Variants in SCAF8 observed in about 807,000 individuals in gnomAD.
SCAF8 encodes SR-related CTD associated factor 8, also known as SR-related and CTD-associated factor 8.
Under a neutral mutation model 140.5 loss-of-function variants are expected in SCAF8, and 23 were observed. The observed-to-expected ratio is 0.16, with a 90% CI of 0.12 to 0.23. SCAF8 has a LOEUF of 0.23. SCAF8 is among the 10% of genes least tolerant of loss of function. The pLI, the probability that SCAF8 is intolerant of heterozygous loss-of-function variation, is 1.00. For synonymous variants in SCAF8, 575 were observed against 528.9 expected (o/e 1.09, Z -1.20); for missense variants, 1,397 against 1,555.7 (o/e 0.90, Z 1.72).
chr6:154,790,811 CTT>C (rs904982373), intron 4 of SCAF8, among the ~76,000 whole-genome samples: 2 of 151,864 alleles, frequency 1.3e-5, no homozygotes, highest in Admixed American at 1.3e-4. Context: ...CACCTGGCCT[CTT>C]TTTTCGTACT....
In SCAF8 at chr6:154,733,619, C is replaced by T; in HGVS notation, c.-282C>T. ...GCAGAGAAGAGAAGGCGCCGCGGCCCAGCCCCTCCCCCGCCCGCCGCCGAC... is the reference window on the plus strand; with the variant it reads ...GCAGAGAAGAGAAGGCGCCGCGGCCTAGCCCCTCCCCCGCCCGCCGCCGAC... On this transcript the variant is annotated 5_prime_UTR_variant, in exon 1 of 20. Coordinates refer to ENST00000367178, the MANE Select transcript of SCAF8 (RefSeq NM_014892.5). The T allele has an allele frequency of 1.5e-6, 2 of 1,295,506 alleles. No individual in the cohort carries two copies. The highest frequency in any genetic ancestry group is 1.9e-6 in the Non-Finnish European group (2 of 1,025,946). 80.3% of individuals were successfully genotyped at this position (1,295,506 alleles called of 1,614,324 possible).
At chr6:154,745,156 CCTCTT>C (rs1173693778) in intron 1 of SCAF8, among the ~76,000 whole-genome samples, 5 of 152,142 alleles carry the variant, frequency 3.3e-5, no homozygotes, top group Non-Finnish European at 5.9e-5. Flanking sequence ...ATTGGTTACT[CCTCTT>C]CTCTTGTATG....
chr6:154,769,092 T>C (rs1354339141), intron 1 of SCAF8, among the ~76,000 whole-genome samples: 1 of 145,868 alleles, frequency 6.9e-6, no homozygotes, highest in Non-Finnish European at 1.5e-5. Context: ...AAAAATCACA[T>C]ATAAGTAGAC....
At chr6:154,787,759 A>G (rs1056126661) in intron 3 of SCAF8, 102 bp from the exon 4 acceptor site, 2 of 871,046 alleles carry the variant, frequency 2.3e-6, no homozygotes, top group Non-Finnish European at 3.6e-6. Flanking sequence ...ACCATAGCAT[A>G]GGCAATGTCT....
At chr6:154,800,988 C>T (rs541265341) in intron 6 of SCAF8, among the ~76,000 whole-genome samples, 4 of 151,356 alleles carry the variant, frequency 2.6e-5, no homozygotes, top group South Asian at 2.1e-4. Context: ...TGATAGACTG[C>T]GAAGTCAGAG....
chr6:154,778,378 A>C lies in SCAF8; in HGVS notation c.159+333A>C, dbSNP rs72993433. On this transcript the variant is annotated intron_variant, in intron 3 of 19. Transcript: ENST00000367178. The stretch of plus-strand genomic sequence containing the variant: ...TTTGAAGTGAGATTTCAGTCATTCA[A>C]CTGGCTAGGTAACTTTGAATAAGTT... 2.6e-5 allele frequency among the ~76,000 whole-genome samples: 4 copies of C among 152,196 alleles called. No homozygotes were observed. The South Asian group carries it at 8.3e-4, about 32-fold the overall frequency.
At chr6:154,828,340 A>C (rs995822810) in intron 18 of SCAF8, among the ~76,000 whole-genome samples, 2 of 151,918 alleles carry the variant, frequency 1.3e-5, no homozygotes, top group Admixed American at 1.3e-4. Context: ...TTTTTTCTTT[A>C]ATTGCCATTT....
intron 1 of SCAF8, among the ~76,000 whole-genome samples, chr6:154,761,199 T>C (rs895848396): frequency 4.6e-5 from 7 of 152,190 alleles, no homozygotes; most frequent in Non-Finnish European, 1.5e-5. Flanking sequence ...TGCAGTTACA[T>C]GTGGTATGTT....
At chr6:154,770,483 A>T (rs1045559772) in intron 1 of SCAF8, among the ~76,000 whole-genome samples, 3 of 151,038 alleles carry the variant, frequency 2.0e-5, no homozygotes, top group African/African-American at 7.3e-5. Context: ...AGGTAGGAGG[A>T]CCCGTTGAGC....
intron 1 of SCAF8, among the ~76,000 whole-genome samples, chr6:154,749,268 ACAAT>A (rs1196241277): frequency 1.3e-5 from 2 of 152,172 alleles, no homozygotes; most frequent in Non-Finnish European, 2.9e-5. Flanking sequence ...CTAGTCCTAC[ACAAT>A]TGTCCTTTTT....
chr6:154,792,695 G>A (rs761796509), intron 4 of SCAF8, 128 bp from the exon 5 acceptor site: 82 of 578,030 alleles, frequency 1.4e-4, no homozygotes, highest in Non-Finnish European at 2.0e-4. Context: ...AGAATTTTAG[G>A]GCTAGAAAGT....
chr6:154,827,659 C>G (rs1043756212), intron 18 of SCAF8, among the ~76,000 whole-genome samples: 5 of 152,094 alleles, frequency 3.3e-5, no homozygotes, highest in African/African-American at 1.2e-4. Context: ...AAATTACTGT[C>G]TTTGCATTTC....
At chr6:154,768,473 A>G (rs896409429) in intron 1 of SCAF8, among the ~76,000 whole-genome samples, 1 of 152,224 alleles carries the variant, frequency 6.6e-6, no homozygotes, top group East Asian at 1.9e-4. Flanking sequence ...GGATACTCAC[A>G]CTCGAGCTCA....
rs760564398 is a variant in SCAF8 at position 154,788,039 on chromosome 6, T to C, written c.321+17T>C. ...GATGACAAGGTATGCTACTGGTTTTTTTTTTTTGTTTTTTTAAAAGTAGAT... is the reference window on the plus strand; with the variant it reads ...GATGACAAGGTATGCTACTGGTTTTCTTTTTTTGTTTTTTTAAAAGTAGAT... On this transcript the variant is annotated intron_variant, in intron 4 of 19. Transcript: ENST00000367178. 5.7e-6 allele frequency: 9 copies of C among 1,579,146 alleles called. No homozygotes were observed. Among genetic ancestry groups the C allele is most frequent in the Non-Finnish European group, 7.7e-6 (9 of 1,168,256 alleles).
At position 154,813,382 on chromosome 6, in the gene SCAF8, A is replaced by C. The variant is rs1778152611; in HGVS notation, c.1421-2334A>C. Among the ~76,000 whole-genome samples, 7 of 152,252 alleles carry C rather than the reference A, an allele frequency of 4.6e-5. No homozygotes were observed. In the South Asian group the frequency reaches 1.5e-3, roughly 32 times the overall value. ...ACTAAAAATAAAAACTTAGCCAAGC[A>C]TGGTGATGGTGTGCCTATAGTTTCA... On this transcript the variant is annotated intron_variant, in intron 12 of 19. Transcript: ENST00000367178.
chr6:154,763,112 G>A (rs900378733), intron 1 of SCAF8, among the ~76,000 whole-genome samples: 2 of 151,904 alleles, frequency 1.3e-5, no homozygotes, highest in African/African-American at 4.8e-5. Flanking sequence ...TTTTTATCAC[G>A]TTTCCATTTT....
chr6:154,805,329 G>A (rs763863009), intron 8 of SCAF8, 40 bp from the exon 9 acceptor site: 14 of 1,181,190 alleles, frequency 1.2e-5, no homozygotes, highest in Non-Finnish European at 1.5e-5. Context: ...AGTATCTTTA[G>A]TGGGTTTTAA....
chr6:154,808,322 T>C (rs1331989335), intron 10 of SCAF8, 121 bp downstream of exon 10: 13 of 1,033,734 alleles, frequency 1.3e-5, no homozygotes, highest in Non-Finnish European at 1.4e-5. Flanking sequence ...ACTTTGTAAT[T>C]GTTTCACCTA....
intron 6 of SCAF8, among the ~76,000 whole-genome samples, chr6:154,798,253 G>C (rs1777665957): frequency 6.6e-6 from 1 of 151,572 alleles, no homozygotes; most frequent in Non-Finnish European, 1.5e-5. Context: ...TCCAGAACTA[G>C]AGATAATACT....
Sources: gnomAD v4.1 joint callset for allele counts (sites outside exome capture counted in the v4.1 genomes callset) on GRCh38, gnomAD v4.1.1 for gene constraint, MANE v1.5 for transcripts, NCBI Gene and HGNC (gene_info 2026-07-23, HGNC 2026-07-21) for gene names.